HPF1: variants seen among roughly 807,000 people sequenced by gnomAD.
The protein encoded by HPF1 is UPF0609 protein C4orf27.
Under a neutral mutation model 38.8 loss-of-function variants are expected in HPF1, and 35 were observed. The ratio of observed to expected loss-of-function variants is 0.90; its 90% CI spans 0.69 to 1.19. The LOEUF is 1.19. Ranked by LOEUF, HPF1 falls within the 50% of genes most tolerant of loss-of-function variation. HPF1 has a pLI of 0.00. For missense variants in HPF1, 367 were observed against 405.8 expected (o/e 0.90, Z 0.82); for synonymous variants, 115 against 139.2 (o/e 0.83, Z 1.22).
intron 6 of HPF1, among the ~76,000 whole-genome samples, chr4:169,733,477 G>C (rs540027006): frequency 1.3e-5 from 2 of 151,072 alleles, no homozygotes; most frequent in Non-Finnish European, 2.9e-5. Context: ...CTGCCATACT[G>C]GGGGAGAGGA....
Position 169,731,886 on chromosome 4 carries a change from A to G in HPF1, c.737-10T>C. Reference sequence around the variant, plus strand: ...ATTCTCTTGAGGTCAGCTGAAAGAAATCAATAATATAAAAGATTATCTACA... The same window carrying G: ...ATTCTCTTGAGGTCAGCTGAAAGAAGTCAATAATATAAAAGATTATCTACA... On this transcript the variant is annotated splice_polypyrimidine_tract_variant and intron_variant, in intron 6 of 7. Transcript: ENST00000393381. The G allele has an allele frequency of 1.3e-6, 2 of 1,599,542 alleles. No homozygotes were observed. The highest frequency in any genetic ancestry group is 3.3e-5 in the Admixed American group (2 of 59,814).
chr4:169,736,967 A>G (rs1362651999), intron 6 of HPF1, among the ~76,000 whole-genome samples: 1 of 152,218 alleles, frequency 6.6e-6, no homozygotes, highest in Admixed American at 6.5e-5. Context: ...GGCTTCTGAA[A>G]GCTAAATCAT....
chr4:169,735,932 TA>T (rs36044065), intron 6 of HPF1, among the ~76,000 whole-genome samples: 8,852 of 105,550 alleles, frequency 0.084, 267 homozygotes, highest in South Asian at 0.13. Flanking sequence ...GAGAAGGAGC[TA>T]AAAAAAAAAA....
Position 169,753,700 on chromosome 4 carries a change from C to A in HPF1, c.184G>T (p.Glu62Ter), listed in dbSNP as rs1423996377. The A allele has an allele frequency of 6.2e-7, 1 of 1,611,570 alleles. No homozygotes were observed. The change falls in exon 2 of 8, where the codon GAA becomes TAA. Residue 62 changes from glutamate (E) to a stop codon, truncating the protein, a stop_gained. Coordinates refer to ENST00000393381, the MANE Select transcript of HPF1 (RefSeq NM_017867.3). LOFTEE classifies it high-confidence loss of function. ...DFYHFWKFCEELDPEKPSDSL... is the reference protein window; with the variant it reads ...DFYHFWKFCE ...CCAGATGGCTTTTCAGGATCAAGTTCTTCACAGAACTTCCAGAAGTGATAG... is the reference window on the plus strand; with the variant it reads ...CCAGATGGCTTTTCAGGATCAAGTTATTCACAGAACTTCCAGAAGTGATAG...
chr4:169,739,346 G>A (rs1733936916), intron 5 of HPF1, among the ~76,000 whole-genome samples: 1 of 151,608 alleles, frequency 6.6e-6, no homozygotes. Context: ...CAAAGGAAAA[G>A]ACTAACATCC....
At chr4:169,757,806 C>T in intron 1 of HPF1, 24 bp downstream of exon 1, 1 of 1,555,018 alleles carries the variant, frequency 6.4e-7, no homozygotes. Context: ...CCCCGCGTAG[C>T]CCGCACAGCC....
chr4:169,739,596 T>TAC (rs1300745206), intron 5 of HPF1, among the ~76,000 whole-genome samples: 4 of 152,150 alleles, frequency 2.6e-5, no homozygotes, highest in South Asian at 4.1e-4. Context: ...CAAACACACC[T>TAC]ACACACACAC....
intron 4 of HPF1, among the ~76,000 whole-genome samples, chr4:169,743,956 T>C (rs1371318154): frequency 6.6e-6 from 1 of 151,994 alleles, no homozygotes; most frequent in Admixed American, 6.6e-5. Flanking sequence ...GAGTTACCAG[T>C]AGAACTGGTA....
chr4:169,729,710 C>T lies in HPF1; in HGVS notation c.910-1G>A. 1 of 1,490,410 alleles carries T rather than the reference C, an allele frequency of 6.7e-7. No homozygotes were observed. The highest frequency in any genetic ancestry group is 8.9e-7 in the Non-Finnish European group (1 of 1,117,608). The allele number at this position is 1,490,410 out of a possible 1,614,324, so 92.3% of individuals were successfully genotyped here. On this transcript the variant is annotated splice_acceptor_variant, in intron 7 of 7. Coordinates refer to ENST00000393381, the MANE Select transcript of HPF1 (RefSeq NM_017867.3). LOFTEE classifies it high-confidence loss of function. Reference sequence around the variant, plus strand: ...GCTGGCCAGCAACTTTATGAAAATACTGAAAAATAAAAATATAACATTAAG... The same window carrying T: ...GCTGGCCAGCAACTTTATGAAAATATTGAAAAATAAAAATATAACATTAAG...
intron 4 of HPF1, among the ~76,000 whole-genome samples, chr4:169,748,283 G>T (rs6852731): frequency 0.062 from 9,441 of 151,906 alleles, 977 homozygotes; most frequent in African/African-American, 0.22. Context: ...TGGTGAAGAG[G>T]CACAAAATAA....
chr4:169,756,309 A>T (rs1369366945), intron 1 of HPF1, among the ~76,000 whole-genome samples: 2 of 152,188 alleles, frequency 1.3e-5, no homozygotes, highest in Admixed American at 1.3e-4. Context: ...CTCAGGTTTA[A>T]ATCTGGGTCC....
At chr4:169,742,561 G>A (rs180840676) in intron 4 of HPF1, among the ~76,000 whole-genome samples, 3,981 of 152,316 alleles carry the variant, frequency 0.026, 166 homozygotes, top group African/African-American at 0.09. Flanking sequence ...GGGAGGCCAA[G>A]GCGGGCGGAT....
At chr4:169,747,399 T>C (rs1464593826) in intron 4 of HPF1, among the ~76,000 whole-genome samples, 1 of 152,158 alleles carries the variant, frequency 6.6e-6, no homozygotes, top group Non-Finnish European at 1.5e-5. Flanking sequence ...AGTATGTACG[T>C]AGCATAGTCT....
At chr4:169,756,178 A>G (rs1362083277) in intron 1 of HPF1, among the ~76,000 whole-genome samples, 1 of 152,224 alleles carries the variant, frequency 6.6e-6, no homozygotes, top group East Asian at 1.9e-4. Context: ...TCTGTGGATT[A>G]ACTCATTTAG....
intron 4 of HPF1, among the ~76,000 whole-genome samples, chr4:169,746,246 T>G (rs1406587322): frequency 6.6e-6 from 1 of 152,192 alleles, no homozygotes; most frequent in Non-Finnish European, 1.5e-5. Context: ...TTTCATTTGA[T>G]AAACAATCTG....
At chr4:169,734,003 C>T (rs1733863471) in intron 6 of HPF1, among the ~76,000 whole-genome samples, 1 of 152,038 alleles carries the variant, frequency 6.6e-6, no homozygotes, top group Non-Finnish European at 1.5e-5. Context: ...GACGACAGTA[C>T]AGAATACATG....
intron 4 of HPF1, among the ~76,000 whole-genome samples, chr4:169,742,442 T>C (rs1056352775): frequency 9.9e-5 from 15 of 152,120 alleles, no homozygotes; most frequent in Admixed American, 2.6e-4. Flanking sequence ...CATACTACTT[T>C]GGAGAAGTCT....
intron 5 of HPF1, among the ~76,000 whole-genome samples, chr4:169,739,754 A>G (rs1216243075): frequency 6.6e-6 from 1 of 152,248 alleles, no homozygotes; most frequent in African/African-American, 2.4e-5. Flanking sequence ...GACCATAAGC[A>G]CAGTATTCTG....
chr4:169,757,219 C>T (rs114631740), intron 1 of HPF1, among the ~76,000 whole-genome samples: 1,579 of 152,246 alleles, frequency 0.01, 38 homozygotes, highest in African/African-American at 0.037. Flanking sequence ...TCCCTGGCTC[C>T]AGCCAAGCCG....
Sources: gnomAD v4.1 joint callset for allele counts (sites outside exome capture counted in the v4.1 genomes callset) on GRCh38, gnomAD v4.1.1 for gene constraint, MANE v1.5 for transcripts, NCBI Gene and HGNC (gene_info 2026-07-23, HGNC 2026-07-21) for gene names.